Variants in AGAP1 observed in about 807,000 individuals in gnomAD.
AGAP1 encodes ArfGAP with GTPase domain, ankyrin repeat and PH domain 1, also known as arf-GAP with GTPase, ANK repeat and PH domain-containing protein 1.
AGAP1 carries 29 observed loss-of-function variants against 105.3 expected under a neutral mutation model. That is an observed-to-expected ratio of 0.28 (90% CI 0.21 to 0.38). The LOEUF (loss-of-function observed/expected upper bound fraction) is 0.38, where lower values mean the gene tolerates loss of function less well. Ranked by LOEUF, AGAP1 falls within the 10% of genes least tolerant of loss-of-function variation. AGAP1 has a pLI of 1.00. For missense variants in AGAP1, 998 were observed against 1,165.1 expected, an observed-to-expected ratio of 0.86 and a Z score of 2.09; for synonymous variants, 509 against 485.9, an observed-to-expected ratio of 1.05 and a Z score of -0.63.
chr2:236,073,798 C>T lies in AGAP1; in HGVS notation c.2114+24517C>T, dbSNP rs1008226019. ...GGCTGCAAACATGGCTTTACCCCAC[C>T]GTCTCCCGTGGCCTTCTCAACACAC... On this transcript the variant is annotated intron_variant, in intron 16 of 17. Coordinates refer to ENST00000304032, the MANE Select transcript of AGAP1 (RefSeq NM_001037131.3). This position sits in a 1 kb window ranked among gnomAD's most constrained non-coding sequence, Gnocchi z 5.4. Among the ~76,000 whole-genome samples the T allele has an allele frequency of 6.6e-6, 1 of 152,070 alleles. No individual in the cohort carries two copies. Among genetic ancestry groups the T allele is most frequent in the Non-Finnish European group, 1.5e-5 (1 of 68,018 alleles).
intron 1 of AGAP1, among the ~76,000 whole-genome samples, chr2:235,675,486 G>GAC (rs1297911959): frequency 1.3e-5 from 2 of 152,152 alleles, no homozygotes; most frequent in Non-Finnish European, 2.9e-5. Flanking sequence ...GCCTGAAAAG[G>GAC]ACACTAGTAA....
At chr2:235,926,692 A>G (rs1167349047) in intron 11 of AGAP1, among the ~76,000 whole-genome samples, 2 of 152,236 alleles carry the variant, frequency 1.3e-5, no homozygotes, top group African/African-American at 2.4e-5. Context: ...CTTAAGAGAA[A>G]ATCGGAAATG....
At chr2:235,516,647 C>T (rs1004306444) in intron 1 of AGAP1, among the ~76,000 whole-genome samples, 2 of 152,184 alleles carry the variant, frequency 1.3e-5, no homozygotes, top group African/African-American at 4.8e-5. Flanking sequence ...GTGTTTGTCG[C>T]CTCTGGCCCT....
In AGAP1 at chr2:235,659,806, A is replaced by G. The variant is rs1947889809; in HGVS notation, c.164-49373A>G. ...TCAGTTGGGGCCCTGGCCTCTGCAG[A>G]TAAGCCCTCGGATGCGAAATCTGGG... is the stretch of plus-strand genomic sequence containing the variant. On this transcript the variant is annotated intron_variant, in intron 1 of 17. Transcript: ENST00000304032. This position sits in a 1 kb window ranked among gnomAD's most constrained non-coding sequence, Gnocchi z 5.0. Among the ~76,000 whole-genome samples, 1 of 152,232 alleles carries G rather than the reference A, an allele frequency of 6.6e-6. No homozygotes were observed. Among genetic ancestry groups the G allele is most frequent in the Admixed American group, 6.5e-5 (1 of 15,278 alleles).
rs1314468311 is a variant in AGAP1 at position 235,971,314 on chromosome 2, A to C, written c.1645+2691A>C. 6.6e-6 allele frequency among the ~76,000 whole-genome samples: 1 copy of C among 152,238 alleles called. No homozygotes were observed. Among genetic ancestry groups the C allele is most frequent in the Non-Finnish European group, 1.5e-5 (1 of 68,046 alleles). On this transcript the variant is annotated intron_variant, in intron 13 of 17. Coordinates refer to ENST00000304032, the MANE Select transcript of AGAP1 (RefSeq NM_001037131.3). This position sits in a 1 kb window ranked among gnomAD's most constrained non-coding sequence, Gnocchi z 4.8. ...ATTGTAACATATCTGAAGTCAGAAC[A>C]TATCATTGTAGATTCAGTGATATAT...
At chr2:235,693,811 G>T (rs1466599858) in intron 1 of AGAP1, among the ~76,000 whole-genome samples, 1 of 152,172 alleles carries the variant, frequency 6.6e-6, no homozygotes, top group Admixed American at 6.5e-5. Context: ...GAAAAAATCA[G>T]AAATAAACTT....
intron 13 of AGAP1, among the ~76,000 whole-genome samples, chr2:235,999,807 C>T (rs572833905): frequency 2.7e-5 from 4 of 150,762 alleles, no homozygotes; most frequent in Non-Finnish European, 2.9e-5. Flanking sequence ...TATCTTGATG[C>T]TTCCCTGAAT....
rs879530425 is a variant in AGAP1, at chr2:235,901,054, A to C, written c.1156-7684A>C. Reference sequence around the variant, plus strand: ...AAGGGATGTGGCCAGAAGATTTTTCATAGTTTTACAATATTTTCACAGTAT... The same window carrying C: ...AAGGGATGTGGCCAGAAGATTTTTCCTAGTTTTACAATATTTTCACAGTAT... On this transcript the variant is annotated intron_variant, in intron 10 of 17. Coordinates refer to ENST00000304032, the MANE Select transcript of AGAP1 (RefSeq NM_001037131.3). The surrounding 1 kb of genome is among the most constrained non-coding windows in gnomAD (Gnocchi z 4.3). 6.6e-6 allele frequency among the ~76,000 whole-genome samples: 1 copy of C among 152,174 alleles called. No homozygotes were observed. The highest frequency in any genetic ancestry group is 2.4e-5 in the African/African-American group (1 of 41,440).
At chr2:236,024,363 A>T (rs2056985184) in intron 13 of AGAP1, among the ~76,000 whole-genome samples, 1 of 152,026 alleles carries the variant, frequency 6.6e-6, no homozygotes, top group Non-Finnish European at 1.5e-5. Context: ...GCCATTTCTC[A>T]TCGTAGCTCG....
chr2:236,045,782 G>A lies in AGAP1; in HGVS notation c.1892-3277G>A, dbSNP rs559652086. ...CTTTCAAGGAAATTGCAGTGGTGAT[G>A]CTTAGATACCAACCCTTGCCGATGA... On this transcript the variant is annotated intron_variant, in intron 15 of 17. Coordinates refer to ENST00000304032, the MANE Select transcript of AGAP1 (RefSeq NM_001037131.3). This position sits in a 1 kb window ranked among gnomAD's most constrained non-coding sequence, Gnocchi z 6.9. Among the ~76,000 whole-genome samples the A allele has an allele frequency of 1.3e-5, 2 of 152,364 alleles. No homozygotes were observed. The highest frequency in any genetic ancestry group is 4.8e-5 in the African/African-American group (2 of 41,594).
chr2:235,508,567 G>T (rs1941935492), intron 1 of AGAP1, among the ~76,000 whole-genome samples: 1 of 152,154 alleles, frequency 6.6e-6, no homozygotes. Flanking sequence ...TGACGGTTTT[G>T]ATTACATGAG....
At position 236,126,729 on chromosome 2, in the gene AGAP1, T is replaced by G. The variant is rs992933640; in HGVS notation, c.*2607T>G. On this transcript the variant is annotated 3_prime_UTR_variant, in exon 18 of 18. Transcript: ENST00000304032. ...CAGCCACTTTCTAGGGCCCAAGTTTTGGTAGCAGAAGGAAAGGCAGTTTTT... is the reference window on the plus strand; with the variant it reads ...CAGCCACTTTCTAGGGCCCAAGTTTGGGTAGCAGAAGGAAAGGCAGTTTTT... The G allele has an allele frequency of 6.6e-6, 1 of 152,150 alleles. No individual in the cohort carries two copies. Among genetic ancestry groups the G allele is most frequent in the African/African-American group, 2.4e-5 (1 of 41,428 alleles). The allele number at this position is 152,150 out of a possible 1,614,324, so 9.4% of individuals were successfully genotyped here. A position where few individuals can be genotyped will look rare whatever the true frequency, so the allele number is the denominator to read the frequency against.
Position 235,960,602 on chromosome 2 carries a change from C to T in AGAP1, c.1484-7860C>T, listed in dbSNP as rs2054140458. 6.6e-6 allele frequency among the ~76,000 whole-genome samples: 1 copy of T among 152,198 alleles called. No homozygotes were observed. The highest frequency in any genetic ancestry group is 2.1e-4 in the South Asian group (1 of 4,832). ...CGTGCTTACTGGAGATGCGATTCCC[C>T]TCTTCCTTCTTTGTTCAGGTAGCAG... On this transcript the variant is annotated intron_variant, in intron 12 of 17. Coordinates refer to ENST00000304032, the MANE Select transcript of AGAP1 (RefSeq NM_001037131.3). This position sits in a 1 kb window ranked among gnomAD's most constrained non-coding sequence, Gnocchi z 4.9.
chr2:235,834,253 G>A (rs1959841191), intron 9 of AGAP1, among the ~76,000 whole-genome samples: 1 of 152,192 alleles, frequency 6.6e-6, no homozygotes. Context: ...CTGGCCATGG[G>A]GTTTGTGTCT....
At chr2:236,085,215 CA>C (rs144353985) in intron 16 of AGAP1, among the ~76,000 whole-genome samples, 2,807 of 58,382 alleles carry the variant, frequency 0.048, 14 homozygotes, top group Non-Finnish European at 0.066. Context: ...GACTCCGTCT[CA>C]AAAAAAAAAA....
At position 235,663,200 on chromosome 2, in the gene AGAP1, T is replaced by C. The variant is rs1478492813; in HGVS notation, c.164-45979T>C. Among the ~76,000 whole-genome samples, 1 of 152,050 alleles carries C rather than the reference T, an allele frequency of 6.6e-6. No homozygotes were observed. Among genetic ancestry groups the C allele is most frequent in the East Asian group, 1.9e-4 (1 of 5,180 alleles). On this transcript the variant is annotated intron_variant, in intron 1 of 17. Transcript: ENST00000304032. The surrounding 1 kb of genome is among the most constrained non-coding windows in gnomAD (Gnocchi z 5.4). ...GGTGGGCGCCTGTGATCCCATCTAC[T>C]TGGGAGGCTGAGGCAGGAGAATTGC...
intron 12 of AGAP1, among the ~76,000 whole-genome samples, chr2:235,955,925 C>T (rs1362024716): frequency 1.3e-5 from 2 of 152,202 alleles, no homozygotes; most frequent in African/African-American, 2.4e-5. Flanking sequence ...AGATAGGACA[C>T]TTTCCTGTGC....
At chr2:235,807,796 G>A (rs538607356) in intron 9 of AGAP1, among the ~76,000 whole-genome samples, 1 of 152,322 alleles carries the variant, frequency 6.6e-6, no homozygotes, top group Admixed American at 6.5e-5. Flanking sequence ...ATCATAGCCG[G>A]TGTGTCAGCT....
chr2:235,506,407 T>C (rs1047367596), intron 1 of AGAP1, among the ~76,000 whole-genome samples: 19 of 152,158 alleles, frequency 1.2e-4, no homozygotes, highest in African/African-American at 3.4e-4. Context: ...TAGTCCTAGC[T>C]ACTTGAGTGG....
Sources: gnomAD v4.1 joint callset for allele counts (sites outside exome capture counted in the v4.1 genomes callset) on GRCh38, gnomAD v4.1.1 for gene constraint, Gnocchi (gnomAD v3.1) non-coding constraint, MANE v1.5 for transcripts, NCBI Gene and HGNC (gene_info 2026-07-23, HGNC 2026-07-21) for gene names.